The following GMCL1 variants were observed in gnomAD, a reference collection of about 807,000 sequenced individuals.
GMCL1 encodes germ cell-less 1, spermatogenesis associated, also known as germ cell-less protein-like 1.
In GMCL1, 54 loss-of-function variants were observed where a neutral mutation model predicts 75.5. The observed-to-expected ratio is 0.71, with a 90% CI of 0.57 to 0.90. The LOEUF is 0.90. Among genes scored for constraint, GMCL1 ranks in the 40% least tolerant of loss-of-function variants. GMCL1 has a pLI of 0.00. For synonymous variants in GMCL1, 210 were observed against 209.6 expected (o/e 1.00, Z -0.02); for missense variants, 537 against 622.7 (o/e 0.86, Z 1.47).
At chr2:69,868,960 A>C (rs887942594) in intron 11 of GMCL1, among the ~76,000 whole-genome samples, 13 of 144,058 alleles carry the variant, frequency 9.0e-5, no homozygotes, top group Non-Finnish European at 1.9e-4. Context: ...CTCAAAATAC[A>C]AAAAAAAAAG....
At chr2:69,831,399 C>G (rs1049012107) in intron 1 of GMCL1, among the ~76,000 whole-genome samples, 29 of 151,950 alleles carry the variant, frequency 1.9e-4, no homozygotes, top group African/African-American at 6.5e-4. Context: ...GAATACTATT[C>G]AGTAACTTTT....
At chr2:69,836,200 A>G (rs1378800508) in intron 1 of GMCL1, among the ~76,000 whole-genome samples, 1 of 151,990 alleles carries the variant, frequency 6.6e-6, no homozygotes, top group Non-Finnish European at 1.5e-5. Flanking sequence ...GTCCTCCATA[A>G]TGTATTTTTT....
At position 69,844,320 on chromosome 2, in the gene GMCL1, A is replaced by T. The variant is rs532589550; in HGVS notation, c.758+124A>T. 66 of 560,266 alleles carry T rather than the reference A, an allele frequency of 1.2e-4. No homozygotes were observed. The Middle Eastern group carries it at 6.9e-3, about 58-fold the overall frequency. The allele number at this position is 560,266 out of a possible 1,614,324, so 34.7% of individuals were successfully genotyped here. On this transcript the variant is annotated intron_variant, in intron 6 of 13. Transcript: ENST00000282570. ...ATGAAAAAGCAAACAATTTAATGAA[A>T]GGGCTTGACTACATCCATAAACTGA...
At chr2:69,862,691 G>A (rs186931797) in intron 10 of GMCL1, among the ~76,000 whole-genome samples, 2 of 152,072 alleles carry the variant, frequency 1.3e-5, no homozygotes, top group East Asian at 1.9e-4. Flanking sequence ...CCCGGGAGGC[G>A]GAAGTTGCAG....
chr2:69,855,348 A>C (rs1675439931), intron 9 of GMCL1, among the ~76,000 whole-genome samples: 1 of 151,834 alleles, frequency 6.6e-6, no homozygotes, highest in South Asian at 2.1e-4. Flanking sequence ...TCTTATTCTA[A>C]AGTCTTAAAC....
chr2:69,835,326 A>G (rs1674788204), intron 1 of GMCL1, among the ~76,000 whole-genome samples: 1 of 152,096 alleles, frequency 6.6e-6, no homozygotes, highest in African/African-American at 2.4e-5. Flanking sequence ...ATAGCAGTCT[A>G]TGGGGTAAAT....
intron 8 of GMCL1, among the ~76,000 whole-genome samples, chr2:69,852,749 G>T (rs1675355323): frequency 6.6e-6 from 1 of 152,152 alleles, no homozygotes; most frequent in Non-Finnish European, 1.5e-5. Context: ...ATGTTGGCCA[G>T]GCTGGTCTTG....
At chr2:69,839,702 T>TAGTTTATC in intron 3 of GMCL1, 149 bp downstream of exon 3, 2 of 541,174 alleles carry the variant, frequency 3.7e-6, no homozygotes, top group Non-Finnish European at 6.8e-6. Context: ...ATTTACACCA[T>TAGTTTATC]AGTTTATCAG....
At chr2:69,867,953 T>C (rs1010608045) in intron 11 of GMCL1, among the ~76,000 whole-genome samples, 1 of 152,238 alleles carries the variant, frequency 6.6e-6, no homozygotes, top group African/African-American at 2.4e-5. Flanking sequence ...GAAAAGAGAA[T>C]CTGTACATCA....
At chr2:69,830,197 T>G in intron 1 of GMCL1, 45 bp downstream of exon 1, 1 of 1,534,352 alleles carries the variant, frequency 6.5e-7, no homozygotes, top group Admixed American at 2.0e-5. Flanking sequence ...CCGCACCTGT[T>G]GGGCCTGGGG....
At chr2:69,840,226 G>T (rs144306363) in intron 3 of GMCL1, 2 of 152,182 alleles carry the variant, frequency 1.3e-5, no homozygotes, top group African/African-American at 4.8e-5. Context: ...GGCTAACATG[G>T]TGAACCCCAT....
intron 2 of GMCL1, 149 bp downstream of exon 2, chr2:69,837,819 A>G (rs1449748638): frequency 6.5e-6 from 6 of 919,332 alleles, no homozygotes; most frequent in South Asian, 4.3e-5. Flanking sequence ...AATGGCAAAC[A>G]TTGTTAGTGA....
chr2:69,850,194 T>C (rs909910450), intron 8 of GMCL1, among the ~76,000 whole-genome samples: 1 of 152,192 alleles, frequency 6.6e-6, no homozygotes, highest in Admixed American at 6.5e-5. Context: ...TTGATATGTG[T>C]GTGTGCTGCT....
At chr2:69,830,885 G>A (rs1674653461) in intron 1 of GMCL1, among the ~76,000 whole-genome samples, 2 of 151,792 alleles carry the variant, frequency 1.3e-5, no homozygotes, top group African/African-American at 4.8e-5. Flanking sequence ...GTTTTTAAAG[G>A]TTATTTGGTA....
intron 6 of GMCL1, among the ~76,000 whole-genome samples, chr2:69,847,192 T>C (rs1336794287): frequency 6.6e-6 from 1 of 151,950 alleles, no homozygotes; most frequent in Non-Finnish European, 1.5e-5. Context: ...AGAGGAAGAC[T>C]GCCATTTTAT....
At chr2:69,832,661 A>T (rs1321880134) in intron 1 of GMCL1, among the ~76,000 whole-genome samples, 1 of 152,230 alleles carries the variant, frequency 6.6e-6, no homozygotes, top group African/African-American at 2.4e-5. Flanking sequence ...GATATCAAGT[A>T]AACAGCATAT....
intron 13 of GMCL1, among the ~76,000 whole-genome samples, chr2:69,878,671 AC>A (rs1051373724): frequency 2.6e-5 from 4 of 151,988 alleles, no homozygotes; most frequent in Non-Finnish European, 4.4e-5. Flanking sequence ...GCTTTGCAAA[AC>A]CCCCTGTGTA....
chr2:69,877,959 G>A (rs1676172205), intron 13 of GMCL1, among the ~76,000 whole-genome samples: 1 of 152,198 alleles, frequency 6.6e-6, no homozygotes, highest in Non-Finnish European at 1.5e-5. Flanking sequence ...TACTATTGCA[G>A]AGAGCATATC....
intron 9 of GMCL1, among the ~76,000 whole-genome samples, chr2:69,860,382 G>T (rs1014957077): frequency 6.6e-6 from 1 of 151,990 alleles, no homozygotes; most frequent in Non-Finnish European, 1.5e-5. Flanking sequence ...ATTATTAAAG[G>T]AATGTCTGTA....
Sources: allele counts gnomAD v4.1 joint callset (sites outside exome capture counted in the v4.1 genomes callset), GRCh38; gene constraint gnomAD v4.1.1; transcripts MANE v1.5; gene names NCBI Gene and HGNC (gene_info 2026-07-23, HGNC 2026-07-21).